SLC39A12: variants seen among roughly 807,000 people sequenced by gnomAD.
SLC39A12 encodes zinc transporter ZIP12.
In SLC39A12, 63 loss-of-function variants were observed where a neutral mutation model predicts 71.1. The observed-to-expected ratio is 0.89, with a 90% CI of 0.72 to 1.09. The LOEUF (loss-of-function observed/expected upper bound fraction) is 1.09. Among genes scored for constraint, SLC39A12 ranks in the 50% least tolerant of loss-of-function variants. SLC39A12 has a pLI of 0.00. For synonymous variants in SLC39A12, 351 were observed against 301.3 expected (o/e 1.16, Z -1.71); for missense variants, 892 against 812.6 (o/e 1.10, Z -1.19).
At chr10:17,957,326 T>G (rs1419521251) in intron 2 of SLC39A12, among the ~76,000 whole-genome samples, 3 of 152,172 alleles carry the variant, frequency 2.0e-5, no homozygotes, top group Non-Finnish European at 4.4e-5. Context: ...TACTACCAAG[T>G]GTCCGAGTAG....
At position 17,997,221 on chromosome 10, in the gene SLC39A12, G is replaced by T. The variant is rs901978912; in HGVS notation, c.1600+1499G>T. On this transcript the variant is annotated intron_variant, in intron 10 of 12. Coordinates refer to ENST00000377369, the MANE Select transcript of SLC39A12 (RefSeq NM_001145195.2). ...AATAAAATAAGCATGATCTTTATCA[G>T]TGCAGAATAAAATAAGCATGGTCTT... is the stretch of plus-strand genomic sequence containing the variant. 2.0e-5 allele frequency among the ~76,000 whole-genome samples: 3 copies of T among 152,096 alleles called. No homozygotes were observed. In the South Asian group the frequency reaches 6.2e-4, roughly 32 times the overall value.
intron 3 of SLC39A12, among the ~76,000 whole-genome samples, chr10:17,963,872 C>T (rs1292025608): frequency 6.6e-6 from 1 of 152,188 alleles, no homozygotes; most frequent in South Asian, 2.1e-4. Context: ...CAACTTGATA[C>T]CCTAATCCAG....
intron 6 of SLC39A12, among the ~76,000 whole-genome samples, chr10:17,986,600 A>G (rs1025041912): frequency 6.6e-6 from 1 of 152,214 alleles, no homozygotes; most frequent in African/African-American, 2.4e-5. Flanking sequence ...AATACCACCC[A>G]CCACCTTGGT....
intron 12 of SLC39A12, among the ~76,000 whole-genome samples, chr10:18,014,523 T>C (rs1836323951): frequency 6.6e-6 from 1 of 152,202 alleles, no homozygotes; most frequent in Non-Finnish European, 1.5e-5. Flanking sequence ...CCCTTTCCTC[T>C]TGTTTTGTTT....
chr10:17,994,965 A>C (rs1835647734), intron 9 of SLC39A12, among the ~76,000 whole-genome samples: 1 of 151,596 alleles, frequency 6.6e-6, no homozygotes, highest in Non-Finnish European at 1.5e-5. Flanking sequence ...GCCAAGACGG[A>C]AAATATATTT....
intron 10 of SLC39A12, among the ~76,000 whole-genome samples, chr10:17,997,332 A>G (rs1035026187): frequency 1.3e-5 from 2 of 152,224 alleles, no homozygotes; most frequent in Non-Finnish European, 2.9e-5. Flanking sequence ...AATGTTTTAG[A>G]TACATTAACT....
intron 5 of SLC39A12, 66 bp from the exon 6 acceptor site, chr10:17,981,245 AC>A (rs1835248664): frequency 7.1e-7 from 1 of 1,406,932 alleles, no homozygotes; most frequent in Non-Finnish European, 9.7e-7. Context: ...CTCAAGGATG[AC>A]AACTGGTGGA....
At chr10:18,034,556 G>A (rs1344709458) in intron 12 of SLC39A12, among the ~76,000 whole-genome samples, 4 of 150,740 alleles carry the variant, frequency 2.7e-5, no homozygotes, top group Non-Finnish European at 5.9e-5. Flanking sequence ...CACATGAGAT[G>A]GGTTTCCTGA....
chr10:17,958,555 C>T (rs1240093627), intron 2 of SLC39A12, among the ~76,000 whole-genome samples: 2 of 152,142 alleles, frequency 1.3e-5, no homozygotes, highest in African/African-American at 4.8e-5. Context: ...AGCCTGTGTT[C>T]TCCATGGCAC....
At chr10:18,018,924 C>T (rs1836456597) in intron 12 of SLC39A12, among the ~76,000 whole-genome samples, 1 of 152,078 alleles carries the variant, frequency 6.6e-6, no homozygotes, top group South Asian at 2.1e-4. Context: ...AGGAAATATT[C>T]CTTCTACTTC....
At chr10:18,041,797 A>G (rs1448698963) in intron 12 of SLC39A12, among the ~76,000 whole-genome samples, 2 of 147,360 alleles carry the variant, frequency 1.4e-5, no homozygotes, top group African/African-American at 2.5e-5. Context: ...ATGTGTCTAT[A>G]TGTATATACA....
At chr10:18,018,417 G>A (rs1417164348) in intron 12 of SLC39A12, among the ~76,000 whole-genome samples, 2 of 152,178 alleles carry the variant, frequency 1.3e-5, no homozygotes, top group East Asian at 3.8e-4. Flanking sequence ...CCAGTATGAT[G>A]TTGAGAAGCA....
intron 12 of SLC39A12, among the ~76,000 whole-genome samples, chr10:18,041,179 C>T (rs1837214637): frequency 6.6e-6 from 1 of 152,082 alleles, no homozygotes; most frequent in African/African-American, 2.4e-5. Flanking sequence ...GACAAATACA[C>T]CTTGGGGCAC....
chr10:18,028,529 G>A (rs1049636205), intron 12 of SLC39A12, among the ~76,000 whole-genome samples: 1 of 151,672 alleles, frequency 6.6e-6, no homozygotes, highest in Non-Finnish European at 1.5e-5. Flanking sequence ...TCCAGAGGAT[G>A]TTTTGTGGAT....
At chr10:17,963,847 G>T (rs1019864664) in intron 3 of SLC39A12, among the ~76,000 whole-genome samples, 3 of 152,162 alleles carry the variant, frequency 2.0e-5, no homozygotes, top group African/African-American at 7.2e-5. Context: ...GCCTCAACAA[G>T]ATCCCCAAGA....
At chr10:18,027,072 T>C (rs1172311755) in intron 12 of SLC39A12, among the ~76,000 whole-genome samples, 1 of 152,216 alleles carries the variant, frequency 6.6e-6, no homozygotes, top group Non-Finnish European at 1.5e-5. Flanking sequence ...ATATGTCTTG[T>C]AATTTGAAAG....
chr10:17,981,180 A>G (rs1486565501), intron 5 of SLC39A12, 132 bp from the exon 6 acceptor site: 4 of 674,376 alleles, frequency 5.9e-6, no homozygotes, highest in African/African-American at 1.8e-5. Flanking sequence ...GCAGGGAAAC[A>G]CGTGTCGTAC....
chr10:18,030,917 G>C (rs867881273), intron 12 of SLC39A12, among the ~76,000 whole-genome samples: 1 of 150,416 alleles, frequency 6.6e-6, no homozygotes, highest in Non-Finnish European at 1.5e-5. Context: ...TTGTTCTTGC[G>C]ATAGTTTACT....
chr10:18,007,588 C>A (rs1457444559), intron 12 of SLC39A12, among the ~76,000 whole-genome samples: 3 of 152,204 alleles, frequency 2.0e-5, no homozygotes, highest in African/African-American at 7.2e-5. Flanking sequence ...ACTCCATAGA[C>A]AGAGCAACCC....
Sources: gnomAD v4.1 joint callset for allele counts (sites outside exome capture counted in the v4.1 genomes callset) on GRCh38, gnomAD v4.1.1 for gene constraint, MANE v1.5 for transcripts, NCBI Gene and HGNC (gene_info 2026-07-23, HGNC 2026-07-21) for gene names.